RPS6KC1: variants seen among roughly 807,000 people sequenced by gnomAD.
RPS6KC1 encodes the protein ribosomal protein S6 kinase C1, also known as inactive ribosomal protein S6 kinase delta-1.
In RPS6KC1, 54 loss-of-function variants were observed where a neutral mutation model predicts 103.8. That is an observed-to-expected ratio of 0.52 (90% CI 0.42 to 0.65). RPS6KC1 has a LOEUF of 0.65. RPS6KC1 is among the 30% of genes least tolerant of loss of function. The probability of loss-of-function intolerance (pLI) is 0.00; values close to 1 mark genes in which losing one functional copy is unlikely to be tolerated. For missense variants in RPS6KC1, 1,151 were observed against 1,253.8 expected (o/e 0.92, Z 1.24); for synonymous variants, 439 against 438.7 (o/e 1.00, Z -0.01).
At chr1:213,430,566 GTTAT>G in the RPS6KC1 span, among the ~76,000 whole-genome samples, 32 of 152,328 alleles carry the variant, frequency 2.1e-4, 1 homozygote, top group African/African-American at 7.5e-4. Flanking sequence ...AGGAATTGGT[GTTAT>G]TTATGCCTTC....
At chr1:213,759,927 G>C in the RPS6KC1 span, among the ~76,000 whole-genome samples, 5 of 152,206 alleles carry the variant, frequency 3.3e-5, no homozygotes, top group African/African-American at 1.2e-4. Context: ...TTCCATTCCA[G>C]TGAGTGCAGC....
intron 8 of RPS6KC1, among the ~76,000 whole-genome samples, chr1:213,203,707 C>T (rs1385870297): frequency 3.2e-4 from 49 of 152,018 alleles, no homozygotes; most frequent in Admixed American, 3.2e-3. Flanking sequence ...AGGTATAATT[C>T]ACCTATAACC....
chr1:213,233,425 GTGGAACAAAATAACT>G, intron 10 of RPS6KC1, among the ~76,000 whole-genome samples: 1 of 152,294 alleles, frequency 6.6e-6, no homozygotes, highest in South Asian at 2.1e-4. Context: ...CACCTCTGGT[GTGGAACAAAATAACT>G]TGCGTAGTAA....
chr1:213,119,449 T>A (rs1365052071), intron 5 of RPS6KC1, among the ~76,000 whole-genome samples: 1 of 2,578 alleles, frequency 3.9e-4, no homozygotes, highest in Non-Finnish European at 9.7e-4. Flanking sequence ...TATATATATA[T>A]ATATATATAT....
At chr1:213,793,136 T>TA in the RPS6KC1 span, among the ~76,000 whole-genome samples, 1 of 152,166 alleles carries the variant, frequency 6.6e-6, no homozygotes, top group Non-Finnish European at 1.5e-5. Flanking sequence ...AATTACAGGT[T>TA]CGGTCGTGAC....
intron 3 of RPS6KC1, among the ~76,000 whole-genome samples, chr1:213,096,816 A>G (rs1211428419): frequency 6.6e-6 from 1 of 152,154 alleles, no homozygotes; most frequent in African/African-American, 2.4e-5. Context: ...TATGAAATGT[A>G]TTTCTTAAAT....
intron 3 of RPS6KC1, among the ~76,000 whole-genome samples, chr1:213,088,703 A>G (rs910185726): frequency 5.9e-5 from 9 of 152,062 alleles, no homozygotes; most frequent in Non-Finnish European, 1.2e-4. Flanking sequence ...TCCCTGTTCA[A>G]ATTACTGTGT....
chr1:213,553,516 A>T, the RPS6KC1 span, among the ~76,000 whole-genome samples: 1 of 152,164 alleles, frequency 6.6e-6, no homozygotes, highest in South Asian at 2.1e-4. Context: ...TCCTTTTGGT[A>T]TATGCCCAGT....
the RPS6KC1 span, among the ~76,000 whole-genome samples, chr1:213,665,648 A>G: frequency 6.6e-6 from 1 of 152,190 alleles, no homozygotes; most frequent in Admixed American, 6.5e-5. Context: ...AATACAAAAA[A>G]TACATGAGTT....
At chr1:213,345,036 C>T in the RPS6KC1 span, among the ~76,000 whole-genome samples, 3 of 152,246 alleles carry the variant, frequency 2.0e-5, no homozygotes, top group South Asian at 2.1e-4. Flanking sequence ...AAGTTGTACA[C>T]GTTTAATGAC....
the RPS6KC1 span, among the ~76,000 whole-genome samples, chr1:213,678,849 C>T: frequency 2.8e-4 from 42 of 152,334 alleles, no homozygotes; most frequent in Non-Finnish European, 5.0e-4. Context: ...AACTTGCTGG[C>T]TGTTCCTCCT....
At chr1:213,279,283 G>A (rs549878242), downstream of RPS6KC1, among the ~76,000 whole-genome samples, 1 of 152,180 alleles carries the variant, frequency 6.6e-6, no homozygotes, top group South Asian at 2.1e-4. Context: ...ATAAATGAGG[G>A]GGTACTTAAT....
At chr1:213,330,464 G>C in the RPS6KC1 span, among the ~76,000 whole-genome samples, 1 of 152,156 alleles carries the variant, frequency 6.6e-6, no homozygotes, top group Non-Finnish European at 1.5e-5. Context: ...GCTTACACCA[G>C]AAGCTCCCTA....
At chr1:213,344,560 G>A in the RPS6KC1 span, among the ~76,000 whole-genome samples, 1 of 151,506 alleles carries the variant, frequency 6.6e-6, no homozygotes, top group Admixed American at 6.6e-5. Flanking sequence ...TTGAGACAGA[G>A]TCTCATTCTG....
intron 1 of RPS6KC1, among the ~76,000 whole-genome samples, chr1:213,061,847 T>G (rs60170453): frequency 0.011 from 1,651 of 152,300 alleles, 31 homozygotes; most frequent in African/African-American, 0.037. Context: ...CATGTTTGAT[T>G]ATTTGTACCT....
the RPS6KC1 span, among the ~76,000 whole-genome samples, chr1:213,380,589 T>A: frequency 6.6e-6 from 1 of 152,228 alleles, no homozygotes; most frequent in African/African-American, 2.4e-5. Flanking sequence ...TGTGCGGTGA[T>A]AGGTGTATTG....
At chr1:213,155,723 A>G (rs758156413) in intron 6 of RPS6KC1, among the ~76,000 whole-genome samples, 3 of 152,120 alleles carry the variant, frequency 2.0e-5, no homozygotes, top group Non-Finnish European at 4.4e-5. Flanking sequence ...ACCAGGTACT[A>G]TGAGTACTCA....
At chr1:213,838,012 C>A in the RPS6KC1 span, among the ~76,000 whole-genome samples, 256 of 152,108 alleles carry the variant, frequency 1.7e-3, 4 homozygotes, top group East Asian at 0.047. Flanking sequence ...TTCTTTACAC[C>A]TTTGTCTCTT....
intron 8 of RPS6KC1, among the ~76,000 whole-genome samples, chr1:213,194,785 A>G (rs2092878635): frequency 6.6e-6 from 1 of 152,162 alleles, no homozygotes. Flanking sequence ...TCTCAAAACC[A>G]TGCCCTACAT....
Sources: gnomAD v4.1 joint callset for allele counts (sites outside exome capture counted in the v4.1 genomes callset) on GRCh38, gnomAD v4.1.1 for gene constraint, MANE v1.5 for transcripts, NCBI Gene and HGNC (gene_info 2026-07-23, HGNC 2026-07-21) for gene names.